The following PRP4K variants were observed in gnomAD, a reference collection of about 807,000 sequenced individuals.
PRP4K encodes serine/threonine-protein kinase PRP4 homolog.
the PRP4K span, among the ~76,000 whole-genome samples, chr6:4,035,284 ATTTTTTTTTTTTTTTTTTT>A: frequency 5.1e-5 from 3 of 58,800 alleles, no homozygotes; most frequent in African/African-American, 2.3e-4. Context: ...CGCCCGGCTA[ATTTTTTTTTTTTTTTTTTT>A]TTTTTTTTTT....
At chr6:4,040,497 G>A in the PRP4K span, among the ~76,000 whole-genome samples, 1 of 152,158 alleles carries the variant, frequency 6.6e-6, no homozygotes, top group Non-Finnish European at 1.5e-5. Flanking sequence ...ATATCCATGG[G>A]AAGAATTTCT....
At chr6:4,026,593 G>A in the PRP4K span, among the ~76,000 whole-genome samples, 73 of 152,240 alleles carry the variant, frequency 4.8e-4, no homozygotes, top group African/African-American at 1.6e-3. Flanking sequence ...GTGAGCCACC[G>A]TGCCCGGCCT....
chr6:4,042,605 TAA>T, the PRP4K span: 1 of 1,535,526 alleles, frequency 6.5e-7, no homozygotes, highest in Non-Finnish European at 8.8e-7. Flanking sequence ...ATTATTGTAG[TAA>T]AAGATTTTTT....
chr6:4,021,584 G>A, the PRP4K span: 1 of 1,423,972 alleles, frequency 7.0e-7, no homozygotes, highest in South Asian at 1.2e-5. Flanking sequence ...GCTTTTTCCG[G>A]CGCGATTCGT....
the PRP4K span, among the ~76,000 whole-genome samples, chr6:4,055,209 A>G: frequency 2.0e-5 from 3 of 152,236 alleles, no homozygotes; most frequent in Admixed American, 2.0e-4. Context: ...AGCCAGCCCA[A>G]GAGTTCCACT....
chr6:4,035,440 C>CA, the PRP4K span, among the ~76,000 whole-genome samples: 878 of 151,938 alleles, frequency 5.8e-3, 4 homozygotes, highest in Non-Finnish European at 0.01. Context: ...AGCCACCGCA[C>CA]CCAGCCCATT....
chr6:4,032,095 G>A, the PRP4K span: 1 of 1,613,216 alleles, frequency 6.2e-7, no homozygotes, highest in South Asian at 1.1e-5. Flanking sequence ...GAACGGACTA[G>A]ACATAGGTCT....
chr6:4,043,842 C>T, the PRP4K span: 15 of 1,614,134 alleles, frequency 9.3e-6, no homozygotes, highest in African/African-American at 2.7e-5. Context: ...AAGATAGCAA[C>T]ATGTCTGTGC....
At chr6:4,039,138 G>A in the PRP4K span, among the ~76,000 whole-genome samples, 20 of 152,142 alleles carry the variant, frequency 1.3e-4, no homozygotes, top group Admixed American at 8.5e-4. Flanking sequence ...TTCATTTGAA[G>A]ACTTTTCTCA....
At chr6:4,042,595 A>G in the PRP4K span, 2 of 1,553,826 alleles carry the variant, frequency 1.3e-6, no homozygotes, top group Admixed American at 2.0e-5. Flanking sequence ...AAAAATAACC[A>G]TTATTGTAGT....
chr6:4,038,249 T>C, the PRP4K span, among the ~76,000 whole-genome samples: 1 of 152,158 alleles, frequency 6.6e-6, no homozygotes, highest in African/African-American at 2.4e-5. Flanking sequence ...GAAATGGAAA[T>C]GCATGGTCTG....
chr6:4,024,977 A>T, the PRP4K span, among the ~76,000 whole-genome samples: 1 of 152,218 alleles, frequency 6.6e-6, no homozygotes, highest in Non-Finnish European at 1.5e-5. Flanking sequence ...TGGGTTTTTT[A>T]AAAGGTAAAA....
At chr6:4,048,877 G>T in the PRP4K span, 3 of 514,876 alleles carry the variant, frequency 5.8e-6, no homozygotes, top group Non-Finnish European at 1.0e-5. Context: ...ATTTACATAA[G>T]TGATAGTAAG....
the PRP4K span, chr6:4,051,870 G>A: frequency 2.0e-5 from 17 of 848,392 alleles, no homozygotes; most frequent in East Asian, 5.6e-5. Context: ...TCACCTGATC[G>A]TCATACTGGG....
the PRP4K span, among the ~76,000 whole-genome samples, chr6:4,027,613 T>C: frequency 2.6e-5 from 1 of 38,554 alleles, no homozygotes; most frequent in African/African-American, 1.0e-4. Context: ...GGGGGTGGGG[T>C]GGGGGTTGGT....
chr6:4,060,383 A>C, the PRP4K span: 5 of 1,582,640 alleles, frequency 3.2e-6, no homozygotes, highest in Non-Finnish European at 4.3e-6. The surrounding 1 kb of genome is among the most constrained non-coding windows in gnomAD (Gnocchi z 4.7). Flanking sequence ...TAACTTATTT[A>C]GAGATACGCA....
chr6:4,027,128 A>G, the PRP4K span, among the ~76,000 whole-genome samples: 2 of 152,328 alleles, frequency 1.3e-5, no homozygotes, highest in South Asian at 4.1e-4. Flanking sequence ...CACAAAGAGT[A>G]GTGACATAAT....
the PRP4K span, among the ~76,000 whole-genome samples, chr6:4,025,529 G>A: frequency 0.7 from 106,644 of 152,068 alleles, 37,491 homozygotes; most frequent in East Asian, 0.77. Flanking sequence ...AGGTTAACCT[G>A]ATTGTACCGA....
chr6:4,045,526 G>A, the PRP4K span, among the ~76,000 whole-genome samples: 1 of 152,220 alleles, frequency 6.6e-6, no homozygotes, highest in Non-Finnish European at 1.5e-5. Context: ...AAGTTAGGAA[G>A]TAGATACTCT....
Sources: gnomAD v4.1 joint callset for allele counts (sites outside exome capture counted in the v4.1 genomes callset) on GRCh38, gnomAD v4.1.1 for gene constraint, Gnocchi (gnomAD v3.1) non-coding constraint, MANE v1.5 for transcripts, NCBI Gene and HGNC (gene_info 2026-07-23, HGNC 2026-07-21) for gene names.